Variants in RPS6KA3 observed in about 807,000 individuals in gnomAD.
The protein encoded by RPS6KA3 is ribosomal protein S6 kinase alpha-3.
A neutral mutation model predicts 67.2 loss-of-function variants in RPS6KA3; 4 were observed. That is an observed-to-expected ratio of 0.06 (90% CI 0.03 to 0.14). The LOEUF is 0.14. Ranked by LOEUF, RPS6KA3 falls within the 10% of genes least tolerant of loss-of-function variation. RPS6KA3 has a pLI of 1.00. For synonymous variants in RPS6KA3, 182 were observed against 183.7 expected (o/e 0.99, Z 0.07); for missense variants, 204 against 559.0 (o/e 0.36, Z 6.40).
At chrX:20,248,779 A>G (rs942082542) in intron 1 of RPS6KA3, among the ~76,000 whole-genome samples, 6 of 112,505 alleles carry the variant, frequency 5.3e-5, no homozygotes, top group African/African-American at 1.9e-4. Context: ...CAGTGGTAAC[A>G]TCTTATATCA....
intron 1 of RPS6KA3, among the ~76,000 whole-genome samples, chrX:20,243,076 G>A (rs1282966703): frequency 3.6e-5 from 4 of 111,017 alleles, no homozygotes; most frequent in Admixed American, 9.5e-5. Context: ...TAAAACAAGC[G>A]TTTATAACAT....
chrX:20,187,767 A>C (rs184130879), intron 9 of RPS6KA3, 61 bp downstream of exon 9: 1 of 963,236 alleles, frequency 1.0e-6, no homozygotes, highest in Non-Finnish European at 1.5e-6. Context: ...TTTAACATTC[A>C]CTGCTGATCC....
intron 1 of RPS6KA3, among the ~76,000 whole-genome samples, chrX:20,245,943 C>A (rs1256237547): frequency 9.1e-6 from 1 of 109,506 alleles, no homozygotes; most frequent in Admixed American, 9.8e-5. Flanking sequence ...CATGGTGAAA[C>A]CCCGTCTCTA....
At chrX:20,243,438 A>G (rs1175246422) in intron 1 of RPS6KA3, among the ~76,000 whole-genome samples, 1 of 112,210 alleles carries the variant, frequency 8.9e-6, no homozygotes, top group Non-Finnish European at 1.9e-5. Flanking sequence ...CCTAAGGCTA[A>G]TAAGTAGAGC....
intron 1 of RPS6KA3, among the ~76,000 whole-genome samples, 195 bp from the exon 2 acceptor site, chrX:20,235,009 A>G (rs2069371756): frequency 8.9e-6 from 1 of 112,054 alleles, no homozygotes; most frequent in African/African-American, 3.2e-5. Context: ...ATTATTTGAA[A>G]CTATAAAAAC....
chrX:20,214,966 G>A (rs1310539395), intron 2 of RPS6KA3, among the ~76,000 whole-genome samples: 1 of 108,094 alleles, frequency 9.3e-6, no homozygotes, highest in African/African-American at 3.4e-5. Flanking sequence ...AGCCTCCCCA[G>A]TAGCTGGAAC....
chrX:20,220,432 C>T (rs2068960462), intron 2 of RPS6KA3, among the ~76,000 whole-genome samples: 1 of 111,209 alleles, frequency 9.0e-6, no homozygotes, highest in African/African-American at 3.3e-5. Flanking sequence ...TACAATGGAG[C>T]TCCAAAAGGG....
At chrX:20,189,432 G>A in intron 7 of RPS6KA3, among the ~76,000 whole-genome samples, 1 of 112,164 alleles carries the variant, frequency 8.9e-6, no homozygotes, top group Non-Finnish European at 1.9e-5. Context: ...ATGGAGGGTA[G>A]AGAAATTTAC....
At chrX:20,251,290 C>A (rs1194597658) in intron 1 of RPS6KA3, among the ~76,000 whole-genome samples, 1 of 112,098 alleles carries the variant, frequency 8.9e-6, no homozygotes, top group Non-Finnish European at 1.9e-5. Flanking sequence ...TGCCACCATG[C>A]CTGGCTATTT....
chrX:20,211,010 A>C (rs1258253508), intron 2 of RPS6KA3, among the ~76,000 whole-genome samples: 1 of 110,743 alleles, frequency 9.0e-6, no homozygotes, highest in Non-Finnish European at 1.9e-5. Flanking sequence ...AAAAAAAAAA[A>C]AAAAACCTTT....
rs1203821632 is a variant in RPS6KA3, at chrX:20,150,367, A to G, written c.*5031T>C. The G allele has an allele frequency of 1.8e-5, 2 of 112,672 alleles. No individual in the cohort carries two copies. The highest frequency in any genetic ancestry group is 3.2e-5 in the African/African-American group (1 of 30,979). 9.3% of individuals were successfully genotyped at this position (112,672 alleles called of 1,213,427 possible). On this transcript the variant is annotated 3_prime_UTR_variant, in exon 22 of 22. Coordinates refer to ENST00000379565, the MANE Select transcript of RPS6KA3 (RefSeq NM_004586.3). The stretch of plus-strand genomic sequence containing the variant: ...TCCCACCCATGACCAAAAATGCAAA[A>G]TAAGTACATCCCTTAGGTGTATACC...
chrX:20,201,354 G>A (rs1358605332), intron 4 of RPS6KA3, among the ~76,000 whole-genome samples: 1 of 110,596 alleles, frequency 9.0e-6, no homozygotes, highest in Non-Finnish European at 1.9e-5. Context: ...GCCCTAGCTA[G>A]TCTTGAACTC....
At chrX:20,250,493 G>A (rs1379492716) in intron 1 of RPS6KA3, among the ~76,000 whole-genome samples, 1 of 112,147 alleles carries the variant, frequency 8.9e-6, no homozygotes, top group African/African-American at 3.2e-5. Context: ...TATGTTAGCT[G>A]TAGGTTCATT....
At chrX:20,169,770 A>T (rs866963450) in intron 15 of RPS6KA3, among the ~76,000 whole-genome samples, 29 of 111,650 alleles carry the variant, frequency 2.6e-4, no homozygotes, top group African/African-American at 8.1e-4. Flanking sequence ...TTAACCAAAA[A>T]CTCAAAAAGC....
At position 20,247,789 on chromosome X, in the gene RPS6KA3, A is replaced by C. The variant is rs766306491; in HGVS notation, c.70-12975T>G. ...GCGACAGAGCGAGACTCCGTCTCAA[A>C]AGAAAAAAAAAAAAAAAAGAAAAAT... On this transcript the variant is annotated intron_variant, in intron 1 of 21. Coordinates refer to ENST00000379565, the MANE Select transcript of RPS6KA3 (RefSeq NM_004586.3). Among the ~76,000 whole-genome samples, 308 of 105,457 alleles carry C rather than the reference A, an allele frequency of 2.9e-3. 2 individuals are homozygous for C. The highest frequency in any genetic ancestry group is 9.5e-3 in the African/African-American group (276 of 28,920). 91.6% of individuals were successfully genotyped at this position (105,457 alleles called of 115,157 possible). A position where few individuals can be genotyped will look rare whatever the true frequency, so the allele number is the denominator to read the frequency against.
chrX:20,172,699 C>T (rs1358839342), intron 15 of RPS6KA3, 47 bp downstream of exon 15: 3 of 1,099,491 alleles, frequency 2.7e-6, no homozygotes, highest in East Asian at 6.6e-5. Context: ...TACTGACATG[C>T]ATGAACAAGA....
intron 13 of RPS6KA3, 142 bp downstream of exon 13, chrX:20,176,108 C>T (rs934204672): frequency 8.4e-6 from 4 of 474,078 alleles, no homozygotes; most frequent in Middle Eastern, 5.8e-4. Context: ...TGGCCTCAAG[C>T]GATCTGCTCG....
At chrX:20,258,100 G>C (rs1352691243) in intron 1 of RPS6KA3, among the ~76,000 whole-genome samples, 1 of 111,781 alleles carries the variant, frequency 8.9e-6, no homozygotes, top group African/African-American at 3.2e-5. Context: ...AAAAACACTG[G>C]TGTAAAAAAT....
intron 19 of RPS6KA3, among the ~76,000 whole-genome samples, chrX:20,162,539 T>TA (rs770465823): frequency 1.1e-3 from 101 of 95,866 alleles, no homozygotes; most frequent in Middle Eastern, 5.2e-3. Context: ...ACATCTGAAT[T>TA]AAAAAAAAAA....
Sources: gnomAD v4.1 joint callset for allele counts (sites outside exome capture counted in the v4.1 genomes callset) on GRCh38, gnomAD v4.1.1 for gene constraint, MANE v1.5 for transcripts, NCBI Gene and HGNC (gene_info 2026-07-23, HGNC 2026-07-21) for gene names.